PIGV: variants seen among roughly 807,000 people sequenced by gnomAD.
The protein encoded by PIGV is phosphatidylinositol glycan anchor biosynthesis class V, also known as GPI alpha-1,6-mannosyltransferase 2.
PIGV carries 27 observed loss-of-function variants against 39.2 expected under a neutral mutation model. The observed-to-expected ratio is 0.69, with a 90% confidence interval of 0.51 to 0.95. The LOEUF is 0.95. Among genes scored for constraint, PIGV ranks in the 40% least tolerant of loss-of-function variants. PIGV has a pLI of 0.00. For synonymous variants in PIGV, 232 were observed against 241.7 expected (o/e 0.96, Z 0.37); for missense variants, 523 against 586.4 (o/e 0.89, Z 1.12).
Position 26,797,728 on chromosome 1 carries a change from G to T in PIGV, c.1366G>T (p.Gly456Ter). 6.2e-7 allele frequency: 1 copy of T among 1,614,038 alleles called. No homozygotes were observed. Among genetic ancestry groups the T allele is most frequent in the Non-Finnish European group, 8.5e-7 (1 of 1,179,980 alleles). Residue 456 changes from glycine to a stop codon, truncating the protein, a stop_gained, in exon 4 of 4, where the codon GGA becomes TGA. Transcript: ENST00000674202. LOFTEE classifies it high-confidence loss of function. ...GQKVPRNPIM[G>*]LLYHWKTCSP... is the part of the protein sequence containing the mutation. ...AAAGGTCCCCAGAAATCCTATCATG[G>T]GACTTTTGTATCACTGGAAAACCTG...
At chr1:26,795,582 G>A (rs1389386844) in intron 3 of PIGV, among the ~76,000 whole-genome samples, 1 of 151,466 alleles carries the variant, frequency 6.6e-6, no homozygotes, top group Admixed American at 6.6e-5. Flanking sequence ...GTGGTGGCAG[G>A]CACCTGTAAT....
At chr1:26,791,986 C>T (rs1413175780) in intron 2 of PIGV, among the ~76,000 whole-genome samples, 1 of 152,214 alleles carries the variant, frequency 6.6e-6, no homozygotes, top group Non-Finnish European at 1.5e-5. Context: ...GACAGCTGGG[C>T]TCTAATTCGG....
At chr1:26,790,726 C>A in intron 1 of PIGV, 33 bp from the exon 2 acceptor site, 1 of 1,021,498 alleles carries the variant, frequency 9.8e-7, no homozygotes, top group South Asian at 1.3e-5. Flanking sequence ...TGCTTTCACT[C>A]GATGTGTGAC....
chr1:26,796,034 A>G (rs1189989830), intron 3 of PIGV, among the ~76,000 whole-genome samples: 1 of 150,846 alleles, frequency 6.6e-6, no homozygotes, highest in Non-Finnish European at 1.5e-5. Context: ...TAATTTTTGT[A>G]TTTTTAGTAG....
rs1437518435 is a variant in PIGV, at chr1:26,800,015, A to G, written c.*2171A>G. Reference sequence around the variant, plus strand: ...GATAATCAGGACTGATTATTCCTCTACTGGAAGAGGTGACTCAGACCCCAC... The same window carrying G: ...GATAATCAGGACTGATTATTCCTCTGCTGGAAGAGGTGACTCAGACCCCAC... On this transcript the variant is annotated 3_prime_UTR_variant, in exon 4 of 4. Coordinates refer to ENST00000674202, the MANE Select transcript of PIGV (RefSeq NM_017837.4). 6.6e-6 allele frequency among the ~76,000 whole-genome samples: 1 copy of G among 152,036 alleles called. No individual in the cohort carries two copies. The highest frequency in any genetic ancestry group is 1.5e-5 in the Non-Finnish European group (1 of 68,004).
Position 26,795,002 on chromosome 1 carries a change from A to G in PIGV, c.968A>G (p.Lys323Arg), listed in dbSNP as rs774991514. ...NVGFLKYYEL[K>R]QVPNFLLAAP... ...GGCTTTTTGAAATACTATGAGCTCA[A>G]GCAGGTGCCCAATTTTCTACTGGCT... Residue 323 changes from lysine to arginine, a missense_variant, in exon 3 of 4, where the codon AAG becomes AGG. Lys to Arg is a conservative substitution (Grantham distance 26, BLOSUM62 2). Transcript: ENST00000674202. 1.6e-5 allele frequency: 26 copies of G among 1,614,092 alleles called. No individual in the cohort carries two copies. The African/African-American group carries it at 2.1e-4, about 13-fold the overall frequency.
Position 26,799,213 on chromosome 1 carries a change from G to T in PIGV, c.*1369G>T. ...TGGCAGATAAGGTGCCTGTTGTGCC[G>T]TTCTCAGATGCCTGCTTACTTGATC... On this transcript the variant is annotated 3_prime_UTR_variant, in exon 4 of 4. Coordinates refer to ENST00000674202, the MANE Select transcript of PIGV (RefSeq NM_017837.4). 6.6e-6 allele frequency among the ~76,000 whole-genome samples: 1 copy of T among 152,256 alleles called. No individual in the cohort carries two copies. Among genetic ancestry groups the T allele is most frequent in the Non-Finnish European group, 1.5e-5 (1 of 68,012 alleles).
chr1:26,795,040 A>C lies in PIGV; in HGVS notation c.1006A>C (p.Ile336Leu). Residue 336 changes from isoleucine (I) to leucine (L), a missense_variant, in exon 3 of 4, where the codon ATA becomes CTA. Transcript: ENST00000674202. ...TTTTCTACTGGCTGCACCAGTGGCT[A>C]TACTGGTTGCCTGGGCAACTTGGAC... ...PNFLLAAPVAILVAWATWTYV... is the reference protein window; with the variant it reads ...PNFLLAAPVALLVAWATWTYV... 6.2e-7 allele frequency: 1 copy of C among 1,614,096 alleles called. No homozygotes were observed. Among genetic ancestry groups the C allele is most frequent in the Non-Finnish European group, 8.5e-7 (1 of 1,179,952 alleles).
In PIGV at chr1:26,790,899, T is replaced by C; in HGVS notation, c.78+6T>C. ...TCCTGACTCTGATGCTGCAGGTCAG[T>C]CTCCCATCCTTTGTCCTGAATGTGC... On this transcript the variant is annotated splice_donor_region_variant and intron_variant, in intron 2 of 3. Transcript: ENST00000674202. The C allele has an allele frequency of 6.2e-7, 1 of 1,611,168 alleles. No homozygotes were observed. Among genetic ancestry groups the C allele is most frequent in the South Asian group, 1.1e-5 (1 of 90,998 alleles).
chr1:26,793,372 T>TC (rs1384259700), intron 2 of PIGV, among the ~76,000 whole-genome samples: 1 of 152,190 alleles, frequency 6.6e-6, no homozygotes, highest in African/African-American at 2.4e-5. Flanking sequence ...CTTGTCAAAG[T>TC]CACCAGTTAC....
chr1:26,790,631 C>T, intron 1 of PIGV, 128 bp from the exon 2 acceptor site: 4 of 623,110 alleles, frequency 6.4e-6, no homozygotes, highest in Non-Finnish European at 1.2e-5. Flanking sequence ...ATGCTTTCCC[C>T]TCATCTGGGA....
intron 2 of PIGV, among the ~76,000 whole-genome samples, chr1:26,793,475 C>T (rs1392876747): frequency 6.6e-6 from 1 of 152,170 alleles, no homozygotes; most frequent in Non-Finnish European, 1.5e-5. Flanking sequence ...CCTTTTCTTC[C>T]CTTGGTTCTA....
At position 26,794,843 on chromosome 1, in the gene PIGV, G is replaced by C. The variant is rs149379900; in HGVS notation, c.809G>C (p.Arg270Pro). The C allele has an allele frequency of 1.9e-6, 3 of 1,613,976 alleles. No individual in the cohort carries two copies. The Admixed American group carries it at 5.0e-5, about 27-fold the overall frequency. ...YTQFCLPGSA[R>P]PIPEPLVQLA... ...CAATTCTGTCTGCCAGGCTCAGCCC[G>C]CCCCATTCCTGAGCCTTTGGTACAG... The change falls in exon 3 of 4, where the codon CGC (arginine) becomes CCC (proline). Residue 270 changes from arginine to proline, a missense_variant. By Grantham distance (103) the Arg-to-Pro change is moderately radical (BLOSUM62 -2). Coordinates refer to ENST00000674202, the MANE Select transcript of PIGV (RefSeq NM_017837.4).
chr1:26,787,372 T>G (rs980995890), upstream of PIGV: 8 of 152,128 alleles, frequency 5.3e-5, no homozygotes, highest in Admixed American at 2.0e-4. Flanking sequence ...TTCTTCACCA[T>G]CCTCATTAGC....
At chr1:26,791,636 G>C (rs775273870) in intron 2 of PIGV, among the ~76,000 whole-genome samples, 16 of 152,120 alleles carry the variant, frequency 1.1e-4, no homozygotes, top group Non-Finnish European at 2.4e-4. Flanking sequence ...CATTCTCTCT[G>C]AGGCTCATAA....
Position 26,796,370 on chromosome 1 carries a change from G to A in PIGV, c.1200+1136G>A, listed in dbSNP as rs565860513. Among the ~76,000 whole-genome samples, 116 of 152,036 alleles carry A rather than the reference G, an allele frequency of 7.6e-4. 1 individual carries two copies. The highest frequency in any genetic ancestry group is 4.4e-3 in the South Asian group (21 of 4,806). On this transcript the variant is annotated intron_variant, in intron 3 of 3. Transcript: ENST00000674202. ...TTTTTAGTAGAGACGGGATTTCACC[G>A]TGTGAGCCAGGATGGTCTGGATCTC...
rs561123204 is a variant in PIGV at position 26,799,423 on chromosome 1, C to T, written c.*1579C>T. 3.3e-5 allele frequency among the ~76,000 whole-genome samples: 5 copies of T among 152,304 alleles called. No homozygotes were observed. The highest frequency in any genetic ancestry group is 1.9e-4 in the East Asian group (1 of 5,196). On this transcript the variant is annotated 3_prime_UTR_variant, in exon 4 of 4. Coordinates refer to ENST00000674202, the MANE Select transcript of PIGV (RefSeq NM_017837.4). ...ACTTTTGCCCATTCCTTGAGCCAGA[C>T]GAGAGTTTGGCTCTGTATCATCCAT...
At chr1:26,792,326 T>A (rs1479131758) in intron 2 of PIGV, among the ~76,000 whole-genome samples, 2 of 150,188 alleles carry the variant, frequency 1.3e-5, no homozygotes, top group African/African-American at 4.9e-5. Context: ...TTGTATTTTT[T>A]TTTTTTTTTT....
At position 26,795,066 on chromosome 1, in the gene PIGV, A is replaced by G. The variant is rs754929675; in HGVS notation, c.1032A>G (p.Thr344=). The G allele has an allele frequency of 4.3e-6, 7 of 1,614,218 alleles. No homozygotes were observed. The highest frequency in any genetic ancestry group is 5.9e-6 in the Non-Finnish European group (7 of 1,180,042). The change falls in exon 3 of 4, where the codon ACA becomes ACG. Residue 344 remains threonine, a synonymous_variant. Coordinates refer to ENST00000674202, the MANE Select transcript of PIGV (RefSeq NM_017837.4). Reference sequence around the variant, plus strand: ...TACTGGTTGCCTGGGCAACTTGGACATACGTGACCACTCACCCTTGGCTCT... The same window carrying G: ...TACTGGTTGCCTGGGCAACTTGGACGTACGTGACCACTCACCCTTGGCTCT... ...VAILVAWATW[T]YVTTHPWLCL...
Sources: allele counts gnomAD v4.1 joint callset (sites outside exome capture counted in the v4.1 genomes callset), GRCh38; gene constraint gnomAD v4.1.1; transcripts MANE v1.5; gene names NCBI Gene and HGNC (gene_info 2026-07-23, HGNC 2026-07-21).